The following ATP10B variants were observed in gnomAD, a reference collection of about 807,000 sequenced individuals.
ATP10B encodes phospholipid-transporting ATPase VB.
ATP10B carries 122 observed loss-of-function variants against 141.2 expected under a neutral mutation model. The ratio of observed to expected loss-of-function variants is 0.86; its 90% CI spans 0.75 to 1.00. ATP10B has a LOEUF of 1.00. ATP10B is among the 50% of genes least tolerant of loss of function. The pLI is 0.00. For synonymous variants in ATP10B, 685 were observed against 692.0 expected (o/e 0.99, Z 0.16); for missense variants, 1,876 against 1,825.3 (o/e 1.03, Z -0.51).
intron 3 of ATP10B, among the ~76,000 whole-genome samples, chr5:160,702,535 C>T (rs1216301337): frequency 6.6e-6 from 1 of 152,178 alleles, no homozygotes; most frequent in Non-Finnish European, 1.5e-5. Flanking sequence ...CTTTTTAATG[C>T]TTGCCTCTCC....
At chr5:160,864,828 A>T in the ATP10B span, among the ~76,000 whole-genome samples, 20 of 152,154 alleles carry the variant, frequency 1.3e-4, no homozygotes, top group Middle Eastern at 3.4e-3. Context: ...ACAGCTGCAA[A>T]AAAATAAAAT....
chr5:160,649,131 C>T (rs373498055), intron 8 of ATP10B, 40 bp downstream of exon 8: 113 of 1,380,930 alleles, frequency 8.2e-5, no homozygotes, highest in East Asian at 5.7e-4. Context: ...CTAGCTGCAG[C>T]GGAGATATTT....
At chr5:160,760,480 C>T (rs939488646) in intron 2 of ATP10B, among the ~76,000 whole-genome samples, 1 of 152,156 alleles carries the variant, frequency 6.6e-6, no homozygotes, top group Non-Finnish European at 1.5e-5. Flanking sequence ...GGATTATATG[C>T]TACAGTAAAA....
At chr5:160,705,377 A>T (rs113959183) in intron 3 of ATP10B, among the ~76,000 whole-genome samples, 6 of 151,990 alleles carry the variant, frequency 3.9e-5, no homozygotes, top group African/African-American at 1.4e-4. Context: ...GCAGGCCGCC[A>T]TGCCTGGCTA....
At chr5:160,710,055 G>A (rs1350704614) in intron 3 of ATP10B, among the ~76,000 whole-genome samples, 13 of 50,350 alleles carry the variant, frequency 2.6e-4, no homozygotes, top group African/African-American at 7.6e-4. Context: ...ATTGTGAATA[G>A]TGCCGCAATA....
chr5:160,803,780 T>A (rs571177333), intron 1 of ATP10B, among the ~76,000 whole-genome samples: 1 of 152,340 alleles, frequency 6.6e-6, no homozygotes, highest in South Asian at 2.1e-4. Context: ...CTCTCCTTAA[T>A]TAATACTGAG....
chr5:160,614,519 A>C (rs1757895705), intron 17 of ATP10B: 1 of 152,246 alleles, frequency 6.6e-6, no homozygotes, highest in Admixed American at 6.5e-5. Context: ...TGGCAGATAG[A>C]GTTGTCTGGC....
rs371720936 is a variant in ATP10B, at chr5:160,817,730, G to A, written c.-575-31927C>T. On this transcript the variant is annotated intron_variant, in intron 1 of 25. Coordinates refer to ENST00000327245, the MANE Select transcript of ATP10B (RefSeq NM_025153.3). ...AAAAGAACAAAGCTGGAGGCATCAC[G>A]CTACCTGACTTTAAACTATACTGCA... Among the ~76,000 whole-genome samples the A allele has an allele frequency of 2.7e-3, 418 of 152,194 alleles. 4 individuals carry two copies. Among genetic ancestry groups the A allele is most frequent in the Admixed American group, 5.5e-3 (84 of 15,270 alleles).
At chr5:160,843,053 C>T (rs927846869) in intron 1 of ATP10B, among the ~76,000 whole-genome samples, 1 of 151,982 alleles carries the variant, frequency 6.6e-6, no homozygotes, top group African/African-American at 2.4e-5. Context: ...ATAAAAGCAA[C>T]AATCCTAAAC....
In ATP10B at chr5:160,816,413, A is replaced by G. The variant is rs577295892; in HGVS notation, c.-575-30610T>C. 6.8e-3 allele frequency among the ~76,000 whole-genome samples: 1,034 copies of G among 152,252 alleles called. 16 individuals are homozygous for G. Among genetic ancestry groups the G allele is most frequent in the African/African-American group, 0.023 (975 of 41,518 alleles). On this transcript the variant is annotated intron_variant, in intron 1 of 25. Coordinates refer to ENST00000327245, the MANE Select transcript of ATP10B (RefSeq NM_025153.3). ...ACTAGAAAATCTAGAAGAAATGGATAAATTCCTGGACACATACACCCTCCC... is the reference window on the plus strand; with the variant it reads ...ACTAGAAAATCTAGAAGAAATGGATGAATTCCTGGACACATACACCCTCCC...
chr5:160,776,730 G>C (rs749604810), intron 2 of ATP10B, among the ~76,000 whole-genome samples: 1 of 152,200 alleles, frequency 6.6e-6, no homozygotes, highest in South Asian at 2.1e-4. Flanking sequence ...TGGCCCAAGG[G>C]AAAGGTTCAG....
At chr5:160,689,504 A>G (rs1218359849) in intron 3 of ATP10B, among the ~76,000 whole-genome samples, 1 of 152,248 alleles carries the variant, frequency 6.6e-6, no homozygotes, top group Non-Finnish European at 1.5e-5. Context: ...AATCTCCCTA[A>G]GCTGATAAGC....
chr5:160,851,234 A>T (rs1753787597), intron 1 of ATP10B, among the ~76,000 whole-genome samples: 1 of 152,188 alleles, frequency 6.6e-6, no homozygotes, highest in African/African-American at 2.4e-5. Context: ...AGGCAAAATA[A>T]CTAGCAGCTC....
chr5:160,914,543 C>T, the ATP10B span, among the ~76,000 whole-genome samples: 3 of 152,042 alleles, frequency 2.0e-5, no homozygotes, highest in Admixed American at 6.6e-5. Context: ...TTGTTTTATG[C>T]TATTGGTTTT....
chr5:160,928,268 G>T, the ATP10B span, among the ~76,000 whole-genome samples: 174 of 152,288 alleles, frequency 1.1e-3, 1 homozygote, highest in African/African-American at 3.9e-3. Flanking sequence ...GGCCACATGG[G>T]TTACATATTT....
At chr5:160,903,147 T>A in the ATP10B span, among the ~76,000 whole-genome samples, 1 of 152,214 alleles carries the variant, frequency 6.6e-6, no homozygotes, top group African/African-American at 2.4e-5. Flanking sequence ...CAAACCATGA[T>A]AGCTTATAGA....
intron 1 of ATP10B, among the ~76,000 whole-genome samples, chr5:160,797,117 G>T (rs568325837): frequency 6.6e-6 from 1 of 152,160 alleles, no homozygotes; most frequent in South Asian, 2.1e-4. Context: ...AAAGCCTGTG[G>T]AGAAACCAGG....
At chr5:160,690,409 G>C (rs575374001) in intron 3 of ATP10B, among the ~76,000 whole-genome samples, 1 of 152,148 alleles carries the variant, frequency 6.6e-6, no homozygotes, top group African/African-American at 2.4e-5. Flanking sequence ...TATCATCAGG[G>C]TGAACAGGAA....
chr5:160,741,738 G>A (rs536920953), intron 2 of ATP10B, among the ~76,000 whole-genome samples: 58 of 152,270 alleles, frequency 3.8e-4, no homozygotes, highest in African/African-American at 1.3e-3. Context: ...AAATTCTGCT[G>A]CAGAATTTGA....
Sources: gnomAD v4.1 joint callset for allele counts (sites outside exome capture counted in the v4.1 genomes callset) on GRCh38, gnomAD v4.1.1 for gene constraint, MANE v1.5 for transcripts, NCBI Gene and HGNC (gene_info 2026-07-23, HGNC 2026-07-21) for gene names.